CHRNA3: variants seen among roughly 807,000 people sequenced by gnomAD.
CHRNA3 encodes neuronal acetylcholine receptor subunit alpha-3.
In CHRNA3, 34 loss-of-function variants were observed where a neutral mutation model predicts 41.9. The observed-to-expected ratio is 0.81, with a 90% CI of 0.62 to 1.08. The LOEUF (loss-of-function observed/expected upper bound fraction) is 1.08, where lower values mean the gene tolerates loss of function less well. CHRNA3 is among the 50% of genes least tolerant of loss of function. CHRNA3 has a pLI of 0.00. For missense variants in CHRNA3, 542 were observed against 638.3 expected (o/e 0.85, Z 1.63); for synonymous variants, 281 against 265.2 (o/e 1.06, Z -0.58).
chr15:78,613,815 G>C (rs367786258), intron 4 of CHRNA3, among the ~76,000 whole-genome samples: 1 of 151,340 alleles, frequency 6.6e-6, no homozygotes, highest in Non-Finnish European at 1.5e-5. Context: ...GCGTGGTGGC[G>C]GGCGCCTGTA....
chr15:78,609,965 CA>C (rs1216992357), intron 4 of CHRNA3, among the ~76,000 whole-genome samples: 5 of 152,072 alleles, frequency 3.3e-5, no homozygotes, highest in Non-Finnish European at 7.4e-5. Context: ...CAACAAAGAT[CA>C]AAAGAGACAA....
intron 5 of CHRNA3, among the ~76,000 whole-genome samples, chr15:78,600,333 C>T (rs2053178497): frequency 6.6e-6 from 1 of 152,160 alleles, no homozygotes; most frequent in African/African-American, 2.4e-5. Context: ...CCTCAGCCTC[C>T]TAAAGTGCTA....
chr15:78,607,237 A>G (rs2053305016), intron 4 of CHRNA3, among the ~76,000 whole-genome samples: 1 of 146,956 alleles, frequency 6.8e-6, no homozygotes. Context: ...AAAAAAAAAG[A>G]TTTTCATGGA....
At position 78,616,991 on chromosome 15, in the gene CHRNA3, C is replaced by A. The variant is rs572239933; in HGVS notation, c.377+33G>T. The A allele has an allele frequency of 4.0e-6, 6 of 1,506,168 alleles. No individual in the cohort carries two copies. The African/African-American group carries it at 5.5e-5, about 14-fold the overall frequency. The allele number at this position is 1,506,168 out of a possible 1,614,324, so 93.3% of individuals were successfully genotyped here. On this transcript the variant is annotated intron_variant, in intron 4 of 5. Transcript: ENST00000326828. ...AAAAACCCAGAGCCCAGGCTGACAG[C>A]CCTGAGAGGGCGTGGGCCCCCCAGC... is the stretch of plus-strand genomic sequence containing the variant.
In CHRNA3 at chr15:78,601,497, C is replaced by T; in HGVS notation, c.1145G>A (p.Cys382Tyr). ...LYGAELSNLN[C>Y]FSRAESKGCK... is the part of the protein sequence containing the mutation. ...GCCTTTGGACTCTGCGCGGCTGAAG[C>T]AATTCAGATTTGAGAGCTCGGCACC... Residue 382 changes from cysteine to tyrosine, a missense_variant, in exon 5 of 6, where the codon TGC becomes TAC. By Grantham distance (194) the Cys-to-Tyr change is radical (BLOSUM62 -2). Transcript: ENST00000326828. 1.2e-6 allele frequency: 2 copies of T among 1,614,122 alleles called. No individual in the cohort carries two copies. Among genetic ancestry groups the T allele is most frequent in the Non-Finnish European group, 1.7e-6 (2 of 1,180,036 alleles).
At position 78,617,219 on chromosome 15, in the gene CHRNA3, C is replaced by T. The variant is rs111900890; in HGVS notation, c.268-86G>A. The T allele has an allele frequency of 2.8e-5, 22 of 781,932 alleles. 1 individual carries two copies. Among genetic ancestry groups the T allele is most frequent in the African/African-American group, 2.4e-4 (14 of 59,066 alleles). The allele number at this position is 781,932 out of a possible 1,614,324, so 48.4% of individuals were successfully genotyped here. A position where few individuals can be genotyped will look rare whatever the true frequency, so the allele number is the denominator to read the frequency against. ...CCCGTGGCACCACCCATCTTGGTGA[C>T]TCCCCACCCCTGCTGCATGTGACCG... On this transcript the variant is annotated intron_variant, in intron 3 of 5. Transcript: ENST00000326828.
intron 4 of CHRNA3, among the ~76,000 whole-genome samples, chr15:78,612,175 C>A (rs1431360716): frequency 6.6e-6 from 1 of 152,080 alleles, no homozygotes; most frequent in African/African-American, 2.4e-5. Context: ...CCATCCCCAT[C>A]AAGCCACCAA....
At chr15:78,594,341 TAGA>T (rs2053063741), downstream of CHRNA3, 1 of 152,146 alleles carries the variant, frequency 6.6e-6, no homozygotes, top group Non-Finnish European at 1.5e-5. Flanking sequence ...TCCTTGATCT[TAGA>T]ATAGTCAGTC....
At chr15:78,600,541 TACTCC>T (rs1490623206) in intron 5 of CHRNA3, among the ~76,000 whole-genome samples, 1 of 144,100 alleles carries the variant, frequency 6.9e-6, no homozygotes, top group Non-Finnish European at 1.6e-5. Flanking sequence ...GTGTGCACTT[TACTCC>T]ACGTAAATTC....
Position 78,601,891 on chromosome 15 carries a change from G to A in CHRNA3, c.751C>T (p.Pro251Ser), listed in dbSNP as rs2053207022. ...GTGAGGAAGGAGATGAGCAGGCAGG[G>A]GATGATGAGGTTGATGGTGTAGAAC... is the stretch of plus-strand genomic sequence containing the variant. ...PLFYTINLII[P>S]CLLISFLTVL... Residue 251 changes from proline (P) to serine (S), a missense_variant, in exon 5 of 6, where the codon CCC becomes TCC. Physicochemically the swap from Pro to Ser is moderately conservative, Grantham distance 74. Coordinates refer to ENST00000326828, the MANE Select transcript of CHRNA3 (RefSeq NM_000743.5). 4.3e-6 allele frequency: 7 copies of A among 1,614,108 alleles called. No homozygotes were observed. Among genetic ancestry groups the A allele is most frequent in the East Asian group, 2.2e-5 (1 of 44,872 alleles).
At chr15:78,603,985 A>C (rs917282348) in intron 4 of CHRNA3, among the ~76,000 whole-genome samples, 1 of 152,124 alleles carries the variant, frequency 6.6e-6, no homozygotes, top group Non-Finnish European at 1.5e-5. Flanking sequence ...GGCTGGGCTA[A>C]GCAGAAGGTC....
chr15:78,615,474 C>T (rs2053446914), intron 4 of CHRNA3, among the ~76,000 whole-genome samples: 1 of 152,194 alleles, frequency 6.6e-6, no homozygotes, highest in African/African-American at 2.4e-5. Context: ...CTGTGCCACA[C>T]ATCCACTCTG....
intron 4 of CHRNA3, among the ~76,000 whole-genome samples, chr15:78,603,748 CACTA>C (rs919519201): frequency 6.6e-5 from 10 of 152,300 alleles, no homozygotes; most frequent in East Asian, 1.9e-4. Flanking sequence ...ATGCCAAAGC[CACTA>C]ACTATCTTTC....
At chr15:78,608,507 T>G (rs1282797365) in intron 4 of CHRNA3, among the ~76,000 whole-genome samples, 2 of 152,198 alleles carry the variant, frequency 1.3e-5, no homozygotes, top group Non-Finnish European at 2.9e-5. Context: ...CCAACAGACC[T>G]GCAGCTGAGG....
At chr15:78,619,046 C>CA in intron 1 of CHRNA3, 131 bp from the exon 2 acceptor site, 1 of 1,095,512 alleles carries the variant, frequency 9.1e-7, no homozygotes, top group East Asian at 2.4e-5. Flanking sequence ...CCTAGACTTT[C>CA]AGGCCAGTCT....
chr15:78,593,122 G>T (rs150329151), downstream of CHRNA3: 6 of 1,612,076 alleles, frequency 3.7e-6, no homozygotes, highest in South Asian at 1.1e-5. Flanking sequence ...CATAGCCCAG[G>T]TTCTTGATCG....
chr15:78,599,823 C>T (rs1162319275), intron 5 of CHRNA3: 1 of 142,904 alleles, frequency 7.0e-6, no homozygotes, highest in African/African-American at 2.6e-5. Flanking sequence ...CAAGACCAGC[C>T]TGACAAACAT....
chr15:78,601,137 C>A (rs1311529000), intron 5 of CHRNA3, 116 bp downstream of exon 5: 2 of 960,782 alleles, frequency 2.1e-6, no homozygotes, highest in African/African-American at 1.6e-5. Flanking sequence ...TTAACACAGG[C>A]CACTGACTCC....
chr15:78,609,589 G>A (rs1197745527), intron 4 of CHRNA3, among the ~76,000 whole-genome samples: 1 of 152,122 alleles, frequency 6.6e-6, no homozygotes, highest in Non-Finnish European at 1.5e-5. Context: ...CGCTAAACAT[G>A]GAAAGGAACA....
Sources: allele counts gnomAD v4.1 joint callset (sites outside exome capture counted in the v4.1 genomes callset), GRCh38; gene constraint gnomAD v4.1.1; transcripts MANE v1.5; gene names NCBI Gene and HGNC (gene_info 2026-07-23, HGNC 2026-07-21).